NAA15: variants seen among roughly 807,000 people sequenced by gnomAD.
NAA15 encodes the protein N-alpha-acetyltransferase 15, NatA auxiliary subunit, also known as N-terminal acetyltransferase.
Under a neutral mutation model 114.0 loss-of-function variants are expected in NAA15, and 34 were observed. The ratio of observed to expected loss-of-function variants is 0.30; its 90% CI spans 0.23 to 0.40. The LOEUF (loss-of-function observed/expected upper bound fraction) is 0.40, where lower values mean the gene tolerates loss of function less well. NAA15 is among the 10% of genes least tolerant of loss of function. NAA15 has a pLI of 1.00. For synonymous variants in NAA15, 340 were observed against 338.0 expected (o/e 1.01, Z -0.06); for missense variants, 658 against 1,004.5 (o/e 0.66, Z 4.66).
chr4:139,378,392 AAAG>A (rs1166161771), intron 16 of NAA15, among the ~76,000 whole-genome samples: 1 of 152,196 alleles, frequency 6.6e-6, no homozygotes, highest in Non-Finnish European at 1.5e-5. Flanking sequence ...TCACAAAATA[AAAG>A]AATACCTTCA....
intron 1 of NAA15, among the ~76,000 whole-genome samples, chr4:139,310,007 C>G (rs528636229): frequency 4.6e-5 from 7 of 152,020 alleles, no homozygotes; most frequent in African/African-American, 1.2e-4. Flanking sequence ...GCATGGTGCT[C>G]GGTGTGATTG....
At chr4:139,376,270 A>G in intron 15 of NAA15, 95 bp from the exon 16 acceptor site, 1 of 762,178 alleles carries the variant, frequency 1.3e-6, no homozygotes. Context: ...CTGGTAAGTG[A>G]TTTTATTTTT....
chr4:139,322,492 G>A (rs1466438497), intron 1 of NAA15, among the ~76,000 whole-genome samples: 1 of 152,170 alleles, frequency 6.6e-6, no homozygotes, highest in Non-Finnish European at 1.5e-5. Flanking sequence ...TTCCTAAGGT[G>A]TGAGCTTTCT....
intron 1 of NAA15, among the ~76,000 whole-genome samples, chr4:139,315,006 T>TTCAGG (rs1553992520): frequency 2.2e-4 from 22 of 101,530 alleles, no homozygotes; most frequent in Admixed American, 3.7e-4. Context: ...TTCAGTTTAG[T>TTCAGG]TTAGGTTAGG....
chr4:139,365,348 T>C (rs1237909439), intron 14 of NAA15, among the ~76,000 whole-genome samples: 1 of 152,076 alleles, frequency 6.6e-6, no homozygotes, highest in African/African-American at 2.4e-5. Flanking sequence ...TACATTTGTC[T>C]TTTTAATCAT....
chr4:139,350,412 A>G (rs563933522), intron 7 of NAA15, among the ~76,000 whole-genome samples: 1 of 152,320 alleles, frequency 6.6e-6, no homozygotes, highest in African/African-American at 2.4e-5. Context: ...AATGAGCATC[A>G]CTGTTCCTTT....
intron 11 of NAA15, among the ~76,000 whole-genome samples, chr4:139,358,475 C>T (rs1748033735): frequency 6.6e-6 from 1 of 151,904 alleles, no homozygotes; most frequent in Admixed American, 6.6e-5. Flanking sequence ...AGATTGTAGG[C>T]ATGAGCCCCT....
At chr4:139,315,008 T>C (rs867741362) in intron 1 of NAA15, among the ~76,000 whole-genome samples, 1,229 of 96,606 alleles carry the variant, frequency 0.013, 75 homozygotes, top group Admixed American at 0.018. Context: ...CAGTTTAGTT[T>C]AGGTTAGGTT....
intron 3 of NAA15, among the ~76,000 whole-genome samples, chr4:139,338,298 C>A (rs931839250): frequency 6.6e-6 from 1 of 152,140 alleles, no homozygotes; most frequent in African/African-American, 2.4e-5. Context: ...GGATTTGATC[C>A]AGTTGCACTT....
intron 1 of NAA15, among the ~76,000 whole-genome samples, chr4:139,314,411 A>G (rs1013404569): frequency 2.0e-5 from 3 of 151,948 alleles, no homozygotes; most frequent in Non-Finnish European, 4.4e-5. Flanking sequence ...AATGTTAAAA[A>G]TGCTCCCCAT....
chr4:139,370,225 A>G lies in NAA15; in HGVS notation c.1768A>G (p.Lys590Glu). The G allele has an allele frequency of 1.3e-6, 2 of 1,545,646 alleles. No homozygotes were observed. Among genetic ancestry groups the G allele is most frequent in the Non-Finnish European group, 1.7e-6 (2 of 1,153,980 alleles). Residue 590 changes from lysine (K) to glutamate (E), a missense_variant, in exon 15 of 20, where the codon AAA becomes GAA. By Grantham distance (56) the Lys-to-Glu change is moderately conservative. Transcript: ENST00000296543. ...HEADTANMSD[K>E]ELKKLRNKQR... The stretch of plus-strand genomic sequence containing the variant: ...ATTGCCTGCAGCAAACATGTCTGAC[A>G]AAGAGCTAAAGAAGCTACGTAATAA...
chr4:139,314,227 G>A (rs1439152090), intron 1 of NAA15, among the ~76,000 whole-genome samples: 1 of 151,828 alleles, frequency 6.6e-6, no homozygotes, highest in African/African-American at 2.4e-5. Context: ...AGATGTAGAT[G>A]GGTGTGGTTC....
intron 6 of NAA15, 139 bp downstream of exon 6, chr4:139,344,478 A>G (rs1379841849): frequency 1.6e-6 from 1 of 610,892 alleles, no homozygotes; most frequent in Non-Finnish European, 2.8e-6. Context: ...TGTACTTTTA[A>G]TAGTTTATGA....
At chr4:139,379,974 G>A (rs188397303) in intron 17 of NAA15, among the ~76,000 whole-genome samples, 3 of 152,278 alleles carry the variant, frequency 2.0e-5, no homozygotes, top group Non-Finnish European at 4.4e-5. Flanking sequence ...GAACTTGCAA[G>A]GCGGAGGTTG....
At chr4:139,365,369 G>A (rs1748249660) in intron 14 of NAA15, among the ~76,000 whole-genome samples, 1 of 152,098 alleles carries the variant, frequency 6.6e-6, no homozygotes, top group Non-Finnish European at 1.5e-5. Context: ...CTGGAGTTTA[G>A]TATAGCATAG....
chr4:139,340,960 A>G lies in NAA15; in HGVS notation c.293A>G (p.Glu98Gly). The G allele has an allele frequency of 6.2e-7, 1 of 1,604,990 alleles. No individual in the cohort carries two copies. The highest frequency in any genetic ancestry group is 8.5e-7 in the Non-Finnish European group (1 of 1,176,508). Residue 98 changes from glutamate to glycine, a missense_variant, in exon 4 of 20, where the codon GAA becomes GGA. Around this residue, in one of 6 missense-constraint regions of NAA15, gnomAD observed 75 missense variants for 172.3 expected, o/e 0.44. Coordinates refer to ENST00000296543, the MANE Select transcript of NAA15 (RefSeq NM_057175.5). Reference sequence around the variant, plus strand: ...CAGAGGTCAGACAAGAAGTATGATGAAGCCATTAAGTGTTACAGAAATGCA... The same window carrying G: ...CAGAGGTCAGACAAGAAGTATGATGGAGCCATTAAGTGTTACAGAAATGCA... ...LLQRSDKKYD[E>G]AIKCYRNALK...
intron 12 of NAA15, 43 bp from the exon 13 acceptor site, chr4:139,360,457 C>G: frequency 6.9e-7 from 1 of 1,453,120 alleles, no homozygotes; most frequent in Non-Finnish European, 9.1e-7. Flanking sequence ...AGAATGATGT[C>G]TATGATAAAA....
At position 139,351,519 on chromosome 4, in the gene NAA15, G is replaced by C. The variant is rs1271040251; in HGVS notation, c.922G>C (p.Glu308Gln). 1.9e-6 allele frequency: 3 copies of C among 1,596,218 alleles called. No individual in the cohort carries two copies. Among genetic ancestry groups the C allele is most frequent in the Admixed American group, 1.7e-5 (1 of 59,806 alleles). The change falls in exon 9 of 20, where the codon GAA becomes CAA. Residue 308 changes from glutamate to glutamine, a missense_variant. Around this residue, in one of 6 missense-constraint regions of NAA15, gnomAD observed 281 missense variants for 389.1 expected, o/e 0.72. Transcript: ENST00000296543. ...LNFLSGEKFK[E>Q]CLDKFLRMNF... ...TCTCTTCCAAGGTGAGAAGTTTAAAGAATGTTTGGATAAGTTCCTAAGGAT... is the reference window on the plus strand; with the variant it reads ...TCTCTTCCAAGGTGAGAAGTTTAAACAATGTTTGGATAAGTTCCTAAGGAT...
intron 15 of NAA15, among the ~76,000 whole-genome samples, chr4:139,373,729 ACT>A (rs1210302526): frequency 6.7e-6 from 1 of 149,324 alleles, no homozygotes; most frequent in East Asian, 2.0e-4. Flanking sequence ...ATGGAATCTC[ACT>A]CTGTCACCCA....
Sources: gnomAD v4.1 joint callset for allele counts (sites outside exome capture counted in the v4.1 genomes callset) on GRCh38, gnomAD v4.1.1 for gene constraint, gnomAD v4.1.1 regional missense constraint, MANE v1.5 for transcripts, NCBI Gene and HGNC (gene_info 2026-07-23, HGNC 2026-07-21) for gene names.